TJP2: variants seen among roughly 807,000 people sequenced by gnomAD.
TJP2 encodes the protein Friedreich ataxia region gene X104 (tight junction protein ZO-2).
A neutral mutation model predicts 133.1 loss-of-function variants in TJP2; 91 were observed. The ratio of observed to expected loss-of-function variants is 0.68; its 90% CI spans 0.58 to 0.81. TJP2 has a LOEUF of 0.81. Ranked by LOEUF, TJP2 falls within the 40% of genes least tolerant of loss-of-function variation. The pLI, the probability that TJP2 is intolerant of heterozygous loss-of-function variation, is 0.00. For synonymous variants in TJP2, 592 were observed against 583.4 expected, an observed-to-expected ratio of 1.01 and a Z score of -0.21; for missense variants, 1,541 against 1,565.6, an observed-to-expected ratio of 0.98 and a Z score of 0.26.
chr9:69,224,683 A>G (rs958146038), intron 5 of TJP2, among the ~76,000 whole-genome samples: 3 of 152,236 alleles, frequency 2.0e-5, no homozygotes, highest in Non-Finnish European at 4.4e-5. Context: ...TCTCAAAAAA[A>G]GAAAGAAAAA....
chr9:69,166,452 A>C (rs911315036), intron 2 of TJP2, among the ~76,000 whole-genome samples: 3 of 151,576 alleles, frequency 2.0e-5, no homozygotes, highest in African/African-American at 7.3e-5. Context: ...AAACAGTAAA[A>C]CAACACAGGG....
chr9:69,130,398 A>G (rs1456198165), intron 1 of TJP2, among the ~76,000 whole-genome samples: 1 of 152,194 alleles, frequency 6.6e-6, no homozygotes, highest in Non-Finnish European at 1.5e-5. Flanking sequence ...TAGCGCAGTG[A>G]TTCTCAAACA....
intron 15 of TJP2, 30 bp downstream of exon 15, chr9:69,238,003 A>G: frequency 6.4e-7 from 1 of 1,558,072 alleles, no homozygotes; most frequent in East Asian, 2.2e-5. Context: ...TTTTTCCCCC[A>G]AATTTTTATT....
rs372592617 is a variant in TJP2, at chr9:69,221,342, C to T, written c.798C>T (p.Ser266=). Residue 266 remains serine (S), a synonymous_variant, in exon 5 of 23, where the codon AGC becomes AGT. Coordinates refer to ENST00000377245, the MANE Select transcript of TJP2 (RefSeq NM_004817.4). The part of the protein sequence containing the change: ...AYDPDYERAY[S]PEYRRGARHD... ...ACCCAGACTACGAGCGGGCCTACAGCCCGGAGTACAGGCGCGGGGCCCGCC... is the reference window on the plus strand; with the variant it reads ...ACCCAGACTACGAGCGGGCCTACAGTCCGGAGTACAGGCGCGGGGCCCGCC... 6.3e-7 allele frequency: 1 copy of T among 1,592,320 alleles called. No individual in the cohort carries two copies. Among genetic ancestry groups the T allele is most frequent in the Non-Finnish European group, 8.5e-7 (1 of 1,169,760 alleles).
At chr9:69,156,127 G>C (rs988824468) in intron 2 of TJP2, among the ~76,000 whole-genome samples, 1 of 152,182 alleles carries the variant, frequency 6.6e-6, no homozygotes, top group Non-Finnish European at 1.5e-5. Flanking sequence ...CACTTTGGGA[G>C]GCCCAGGCTG....
Position 69,212,399 on chromosome 9 carries a change from ATAGG to A in TJP2, c.61-145_61-142del, listed in dbSNP as rs1476535145. On this transcript the variant is annotated intron_variant, in intron 1 of 22. Transcript: ENST00000377245. ...TCATTGAAGGAGAGTGTGTTTGAAA[ATAGG>A]TAGCATAATGAACAGATATTAACTC... The A allele has an allele frequency of 1.9e-5, 13 of 670,986 alleles. No homozygotes were observed. In the East Asian group the frequency reaches 3.7e-4, roughly 19 times the overall value. The allele number at this position is 670,986 out of a possible 1,614,324, so 41.6% of individuals were successfully genotyped here. A position where few individuals can be genotyped will look rare whatever the true frequency, so the allele number is the denominator to read the frequency against.
intron 1 of TJP2, among the ~76,000 whole-genome samples, chr9:69,187,322 G>A (rs574994818): frequency 9.2e-5 from 14 of 152,168 alleles, no homozygotes; most frequent in Non-Finnish European, 1.8e-4. Flanking sequence ...TTATATCACA[G>A]CAATGAACTG....
At chr9:69,252,625 T>C (rs969688674) in intron 21 of TJP2, among the ~76,000 whole-genome samples, 190 bp from the exon 22 acceptor site, 4 of 152,140 alleles carry the variant, frequency 2.6e-5, no homozygotes, top group Non-Finnish European at 5.9e-5. Context: ...TTTTAAATAG[T>C]TTTCCTGTCT....
chr9:69,199,175 G>A (rs1167421650), intron 1 of TJP2, among the ~76,000 whole-genome samples: 1 of 152,150 alleles, frequency 6.6e-6, no homozygotes, highest in Non-Finnish European at 1.5e-5. Context: ...CCAGCTAGCT[G>A]TTTCTTTACA....
chr9:69,248,194 C>A lies in TJP2; in HGVS notation c.2850C>A (p.Thr950=). ...AGGAGCCGCTGGTGTCGTCCATCAC[C>A]CGCTCCTCGGAGCCGGTGCAGCACG... ...PAEEPLVSSI[T]RSSEPVQHEE... The change falls in exon 19 of 23, where the codon ACC becomes ACA. Residue 950 remains threonine, a synonymous_variant. Coordinates refer to ENST00000377245, the MANE Select transcript of TJP2 (RefSeq NM_004817.4). 6.2e-7 allele frequency: 1 copy of A among 1,610,246 alleles called. No homozygotes were observed. The highest frequency in any genetic ancestry group is 8.5e-7 in the Non-Finnish European group (1 of 1,178,114).
upstream of TJP2, chr9:69,174,015 C>G: frequency 2.0e-6 from 2 of 1,019,086 alleles, no homozygotes; most frequent in Non-Finnish European, 2.3e-6. Flanking sequence ...CTTCTCCTGC[C>G]GCCGCCGCCG....
At position 69,230,012 on chromosome 9, in the gene TJP2, T is replaced by C. The variant is rs913558784; in HGVS notation, c.1521-70T>C. ...TAGCTAGAAGAAATTAAATCTCTCATTTGCTAATGTTGTTCTCCCTTTTAA... is the reference window on the plus strand; with the variant it reads ...TAGCTAGAAGAAATTAAATCTCTCACTTGCTAATGTTGTTCTCCCTTTTAA... On this transcript the variant is annotated intron_variant, in intron 10 of 22. Transcript: ENST00000377245. The C allele has an allele frequency of 4.4e-6, 7 of 1,578,342 alleles. No homozygotes were observed. In the Admixed American group the frequency reaches 1.0e-4, roughly 23 times the overall value.
intron 5 of TJP2, 81 bp downstream of exon 5, chr9:69,221,577 A>G (rs1450487783): frequency 2.0e-6 from 3 of 1,521,354 alleles, no homozygotes; most frequent in Non-Finnish European, 2.7e-6. Flanking sequence ...TTTTCCCCCG[A>G]AAGTGTTGCT....
chr9:69,204,693 C>A, intron 1 of TJP2: 3 of 415,752 alleles, frequency 7.2e-6, no homozygotes, highest in Non-Finnish European at 9.7e-6. Flanking sequence ...GTAACATTAG[C>A]CATTCAGTTG....
At chr9:69,166,749 G>A (rs1371888994) in intron 2 of TJP2, among the ~76,000 whole-genome samples, 2 of 151,946 alleles carry the variant, frequency 1.3e-5, no homozygotes, top group East Asian at 3.9e-4. Context: ...ACAGGCGTGA[G>A]CCACCGTGCC....
intron 1 of TJP2, among the ~76,000 whole-genome samples, chr9:69,182,133 T>C (rs972488066): frequency 9.2e-5 from 14 of 152,318 alleles, no homozygotes; most frequent in Admixed American, 2.0e-4. Flanking sequence ...AAAAACCACA[T>C]TGTTCACTGG....
chr9:69,252,496 G>A (rs1323017722), intron 21 of TJP2, among the ~76,000 whole-genome samples: 2 of 152,194 alleles, frequency 1.3e-5, no homozygotes, highest in African/African-American at 4.8e-5. Context: ...ATTGGACAGT[G>A]TAGGAACCTC....
rs1177030778 is a variant in TJP2 at position 69,248,029 on chromosome 9, T to A, written c.2685T>A (p.Asp895Glu). 6.2e-7 allele frequency: 1 copy of A among 1,608,132 alleles called. No individual in the cohort carries two copies. ...VSEGKMEGMDDDPEDRMSYLT... is the reference protein window; with the variant it reads ...VSEGKMEGMDEDPEDRMSYLT... Reference sequence around the variant, plus strand: ...TCCTCTAGATGGAAGGGATGGATGATGACCCCGAAGACCGCATGTCCTACT... The same window carrying A: ...TCCTCTAGATGGAAGGGATGGATGAAGACCCCGAAGACCGCATGTCCTACT... The change falls in exon 19 of 23, where the codon GAT becomes GAA. Residue 895 changes from aspartate (D) to glutamate (E), a missense_variant. By Grantham distance (45) the Asp-to-Glu change is conservative (BLOSUM62 2). Transcript: ENST00000377245.
At chr9:69,135,387 T>C (rs1822686220) in intron 1 of TJP2, among the ~76,000 whole-genome samples, 1 of 152,198 alleles carries the variant, frequency 6.6e-6, no homozygotes, top group African/African-American at 2.4e-5. Flanking sequence ...TAATTAAGTG[T>C]GAAGCTGGGA....
Sources: gnomAD v4.1 joint callset for allele counts (sites outside exome capture counted in the v4.1 genomes callset) on GRCh38, gnomAD v4.1.1 for gene constraint, MANE v1.5 for transcripts, NCBI Gene and HGNC (gene_info 2026-07-23, HGNC 2026-07-21) for gene names.